EIF3K: variants seen among roughly 807,000 people sequenced by gnomAD.
EIF3K encodes the protein eukaryotic translation initiation factor 3 subunit K.
In EIF3K, 27 loss-of-function variants were observed where a neutral mutation model predicts 34.2. The ratio of observed to expected loss-of-function variants is 0.79; its 90% confidence interval spans 0.58 to 1.09. EIF3K has a LOEUF of 1.09. EIF3K is among the 50% of genes least tolerant of loss of function. The pLI is 0.00. For missense variants in EIF3K, 232 were observed against 275.4 expected, an observed-to-expected ratio of 0.84 and a Z score of 1.11; for synonymous variants, 105 against 105.7, an observed-to-expected ratio of 0.99 and a Z score of 0.04.
rs1392193694 is a variant in EIF3K at position 38,632,867 on chromosome 19, C to T, written c.499+189C>T. On this transcript the variant is annotated intron_variant, in intron 6 of 7. Coordinates refer to ENST00000248342, the MANE Select transcript of EIF3K (RefSeq NM_013234.4). ...TGAGGGAGATCCTATGCCATTTGCTCATTTATTTTGCATTAATTGAGTGCC... is the reference window on the plus strand; with the variant it reads ...TGAGGGAGATCCTATGCCATTTGCTTATTTATTTTGCATTAATTGAGTGCC... 4 of 547,854 alleles carry T rather than the reference C, an allele frequency of 7.3e-6. No homozygotes were observed. In the African/African-American group the frequency reaches 7.6e-5, roughly 10 times the overall value. 33.9% of individuals were successfully genotyped at this position (547,854 alleles called of 1,614,324 possible).
At chr19:38,631,636 A>G (rs976616943) in intron 4 of EIF3K, among the ~76,000 whole-genome samples, 15 of 152,134 alleles carry the variant, frequency 9.9e-5, no homozygotes, top group Non-Finnish European at 1.5e-5. Flanking sequence ...AACTGCAAAG[A>G]GGCGTTCCTT....
intron 3 of EIF3K, among the ~76,000 whole-genome samples, chr19:38,625,013 T>C (rs532356422): frequency 6.6e-5 from 10 of 151,942 alleles, no homozygotes; most frequent in African/African-American, 2.4e-4. Flanking sequence ...CATAACGAGT[T>C]AGGTGGAGGG....
chr19:38,623,025 T>C (rs1975876301), intron 2 of EIF3K, among the ~76,000 whole-genome samples: 1 of 152,210 alleles, frequency 6.6e-6, no homozygotes, highest in Non-Finnish European at 1.5e-5. Flanking sequence ...GTTAACGCAA[T>C]TATTACAGGG....
At chr19:38,633,888 G>A (rs1187293913) in intron 6 of EIF3K, among the ~76,000 whole-genome samples, 1 of 151,174 alleles carries the variant, frequency 6.6e-6, no homozygotes, top group Non-Finnish European at 1.5e-5. Context: ...CAGGAGAACC[G>A]CTTGAGCCCA....
chr19:38,632,759 G>A (rs941994311), intron 6 of EIF3K, 81 bp downstream of exon 6: 1 of 1,318,538 alleles, frequency 7.6e-7, no homozygotes, highest in Non-Finnish European at 1.0e-6. Context: ...TCCTCCAACA[G>A]GCCTGTCTGG....
intron 2 of EIF3K, among the ~76,000 whole-genome samples, chr19:38,623,668 C>T (rs1033116002): frequency 6.6e-6 from 1 of 151,834 alleles, no homozygotes; most frequent in African/African-American, 2.4e-5. Flanking sequence ...CCTCAGTTTC[C>T]TTTCTCTGCT....
intron 7 of EIF3K, 123 bp from the exon 8 acceptor site, chr19:38,636,766 T>A: frequency 8.8e-7 from 1 of 1,134,730 alleles, no homozygotes; most frequent in Non-Finnish European, 1.3e-6. Context: ...GCCTTTGTGA[T>A]GGTAACTGGG....
At chr19:38,634,138 C>G (rs539417218) in intron 6 of EIF3K, among the ~76,000 whole-genome samples, 2 of 124,002 alleles carry the variant, frequency 1.6e-5, no homozygotes, top group Admixed American at 2.0e-4. Flanking sequence ...CTGGCTCTGT[C>G]ACCCAGGCTG....
At position 38,619,223 on chromosome 19, in the gene EIF3K, G is replaced by T. The variant is rs1217122442; in HGVS notation, c.-46G>T. On this transcript the variant is annotated 5_prime_UTR_variant, in exon 1 of 8. Coordinates refer to ENST00000248342, the MANE Select transcript of EIF3K (RefSeq NM_013234.4). ...TCCCGTCCTTGAGGACGCCGTGCCG[G>T]GTCAGTGTTAGCCTCCAGCCCTGGT... The T allele has an allele frequency of 6.2e-7, 1 of 1,604,144 alleles. No homozygotes were observed. Among genetic ancestry groups the T allele is most frequent in the Non-Finnish European group, 8.5e-7 (1 of 1,172,162 alleles).
At chr19:38,630,147 T>C (rs1024840165) in intron 4 of EIF3K, among the ~76,000 whole-genome samples, 2 of 149,312 alleles carry the variant, frequency 1.3e-5, no homozygotes, top group African/African-American at 4.9e-5. Context: ...GTGCTCAAAG[T>C]GGTAGCTGCT....
rs543685760 is a variant in EIF3K, at chr19:38,626,351, G to A, written c.354+249G>A. 5.9e-5 allele frequency: 28 copies of A among 477,992 alleles called. No individual in the cohort carries two copies. The East Asian group carries it at 6.4e-4, about 11-fold the overall frequency. 29.6% of individuals were successfully genotyped at this position (477,992 alleles called of 1,614,324 possible). A position where few individuals can be genotyped will look rare whatever the true frequency, so the allele number is the denominator to read the frequency against. ...TCCACTGAGCCCTCTAGTACACACC[G>A]TTGATCAGAAGTCCTCCAGTGGCTG... On this transcript the variant is annotated intron_variant, in intron 4 of 7. Coordinates refer to ENST00000248342, the MANE Select transcript of EIF3K (RefSeq NM_013234.4).
chr19:38,631,501 G>A (rs888619574), intron 4 of EIF3K, among the ~76,000 whole-genome samples: 2 of 152,178 alleles, frequency 1.3e-5, no homozygotes, highest in African/African-American at 2.4e-5. Context: ...TGCTGCCCGC[G>A]TGTCCCACCT....
intron 4 of EIF3K, among the ~76,000 whole-genome samples, chr19:38,627,183 G>T (rs529952417): frequency 6.6e-6 from 1 of 151,924 alleles, no homozygotes; most frequent in Admixed American, 6.6e-5. Flanking sequence ...ACGGGGTTTT[G>T]CCATGTTGTC....
chr19:38,630,221 T>C (rs1243965525), intron 4 of EIF3K, among the ~76,000 whole-genome samples: 1 of 151,688 alleles, frequency 6.6e-6, no homozygotes, highest in Non-Finnish European at 1.5e-5. Context: ...TGATATGATC[T>C]TGGCTCGCTG....
intron 7 of EIF3K, 70 bp downstream of exon 7, chr19:38,635,188 G>GCC (rs1976164371): frequency 6.2e-7 from 1 of 1,606,402 alleles, no homozygotes; most frequent in Admixed American, 1.7e-5. Flanking sequence ...CGAGGCAGGG[G>GCC]CCCAGAGGAC....
chr19:38,632,283 T>C (rs1862371), intron 4 of EIF3K, 147 bp from the exon 5 acceptor site: 151,144 of 706,732 alleles, frequency 0.21, 23,220 homozygotes, highest in East Asian at 0.62. Context: ...CTTAGCACTT[T>C]GGGGGGCTGA....
chr19:38,626,396 G>A (rs755775346), intron 4 of EIF3K: 48 of 370,050 alleles, frequency 1.3e-4, no homozygotes, highest in Non-Finnish European at 1.6e-4. Flanking sequence ...ACTCACCCCC[G>A]TGATTCCAGT....
intron 2 of EIF3K, 139 bp from the exon 3 acceptor site, chr19:38,623,938 C>A: frequency 7.4e-7 from 1 of 1,344,772 alleles, no homozygotes; most frequent in Non-Finnish European, 1.0e-6. Context: ...GGTTACACAG[C>A]TGGGAAGCAC....
At chr19:38,627,344 T>C (rs1975971153) in intron 4 of EIF3K, among the ~76,000 whole-genome samples, 1 of 151,936 alleles carries the variant, frequency 6.6e-6, no homozygotes, top group South Asian at 2.1e-4. Context: ...TCAGTCCCTC[T>C]GGTGACTGCT....
Sources: gnomAD v4.1 joint callset for allele counts (sites outside exome capture counted in the v4.1 genomes callset) on GRCh38, gnomAD v4.1.1 for gene constraint, MANE v1.5 for transcripts, NCBI Gene and HGNC (gene_info 2026-07-23, HGNC 2026-07-21) for gene names.